Variants in DUOX1 observed in about 807,000 individuals in gnomAD.
DUOX1 encodes dual oxidase 1.
Under a neutral mutation model 181.8 loss-of-function variants are expected in DUOX1, and 134 were observed. That is an observed-to-expected ratio of 0.74 (90% CI 0.64 to 0.85). The LOEUF is 0.85. DUOX1 is among the 40% of genes least tolerant of loss of function. DUOX1 has a pLI of 0.00. For missense variants in DUOX1, 1,814 were observed against 2,064.4 expected (o/e 0.88, Z 2.35); for synonymous variants, 798 against 832.5 (o/e 0.96, Z 0.71).
intron 25 of DUOX1, 112 bp from the exon 26 acceptor site, chr15:45,153,268 A>G (rs1896863769): frequency 2.8e-6 from 2 of 724,828 alleles, no homozygotes; most frequent in East Asian, 5.4e-5. Flanking sequence ...CGAGACTCCT[A>G]AGGTACTTCT....
chr15:45,131,540 G>A (rs1896146648), intron 1 of DUOX1: 3 of 201,376 alleles, frequency 1.5e-5, no homozygotes, highest in South Asian at 8.4e-5. Context: ...ACTGGGAGCA[G>A]CACTGAGACC....
chr15:45,141,544 G>A, intron 14 of DUOX1, 134 bp downstream of exon 14: 2 of 990,252 alleles, frequency 2.0e-6, no homozygotes, highest in Non-Finnish European at 3.1e-6. Context: ...TTCTGCCCTT[G>A]GGAACTCCAG....
rs1595598291 is a variant in DUOX1 at position 45,161,846 on chromosome 15, C to T, written c.3965C>T (p.Thr1322Ile). 2 of 1,614,082 alleles carry T rather than the reference C, an allele frequency of 1.2e-6. No individual in the cohort carries two copies. The highest frequency in any genetic ancestry group is 1.7e-6 in the Non-Finnish European group (2 of 1,180,004). Residue 1322 changes from threonine (T) to isoleucine (I), a missense_variant, in exon 30 of 34, where the codon ACA becomes ATA. Coordinates refer to ENST00000389037, the MANE Select transcript of DUOX1 (RefSeq NM_175940.3). ...ALGTTEYHPFTLTSAPHEDTL... is the reference protein window; with the variant it reads ...ALGTTEYHPFILTSAPHEDTL... ...GGGACCACCGAGTACCACCCCTTCA[C>T]ACTGACCTCTGCGCCCCATGAGGAC...
chr15:45,158,215 C>T (rs57724222), intron 28 of DUOX1, among the ~76,000 whole-genome samples: 1 of 152,210 alleles, frequency 6.6e-6, no homozygotes, highest in African/African-American at 2.4e-5. Context: ...TGCCATTGTA[C>T]TCAGCCTGTT....
At chr15:45,139,674 A>G in intron 12 of DUOX1, 75 bp downstream of exon 12, 1 of 1,452,442 alleles carries the variant, frequency 6.9e-7, no homozygotes, top group Non-Finnish European at 9.1e-7. Context: ...GAAGATAGGC[A>G]GTGAAACTTG....
Position 45,141,068 on chromosome 15 carries a change from T to C in DUOX1, c.1563T>C (p.Asn521=). The change falls in exon 13 of 34, where the codon AAT becomes AAC. Residue 521 remains asparagine (N), a splice_region_variant and synonymous_variant. Transcript: ENST00000389037. The stretch of plus-strand genomic sequence containing the variant: ...GCTACTGGTTTGAGAACACCAGGAA[T>C]GGGTAAGGCGTGCTGGGCCTCCGCC... ...GDRYWFENTR[N]GLFSKKEIEE... 3 of 1,614,232 alleles carry C rather than the reference T, an allele frequency of 1.9e-6. No homozygotes were observed. The highest frequency in any genetic ancestry group is 2.5e-6 in the Non-Finnish European group (3 of 1,180,032).
In DUOX1 at chr15:45,136,593, G is replaced by T. The variant is rs779457767; in HGVS notation, c.990G>T (p.Leu330=). 2.2e-5 allele frequency: 36 copies of T among 1,613,962 alleles called. No homozygotes were observed. The highest frequency in any genetic ancestry group is 2.2e-4 in the Admixed American group (13 of 60,010). The part of the protein sequence containing the change: ...SEFVAASEQF[L]STMVPPGVYM... ...TCGTGGCGGCCTCTGAGCAGTTCCT[G>T]TCCACCATGGTGCCCCCTGGCGTCT... The change falls in exon 9 of 34, where the codon CTG becomes CTT. Residue 330 remains leucine, a synonymous_variant. Transcript: ENST00000389037.
chr15:45,133,768 C>T lies in DUOX1; in HGVS notation c.59-96C>T, dbSNP rs77760047. On this transcript the variant is annotated intron_variant, in intron 2 of 33. Transcript: ENST00000389037. ...CTTCAGGTATCCACTTTCTGCTGCT[C>T]CAAGTGCCAGGCTCACAGCACCCAT... 30 of 1,059,742 alleles carry T rather than the reference C, an allele frequency of 2.8e-5. 1 individual carries two copies. In the East Asian group the frequency reaches 7.0e-4, roughly 25 times the overall value. 65.6% of individuals were successfully genotyped at this position (1,059,742 alleles called of 1,614,324 possible).
chr15:45,138,913 C>A (rs1426620706), intron 10 of DUOX1, 153 bp from the exon 11 acceptor site: 3 of 672,358 alleles, frequency 4.5e-6, no homozygotes, highest in African/African-American at 1.8e-5. Flanking sequence ...AGTGGGGAAT[C>A]AACCTGCAGA....
chr15:45,135,699 G>A (rs1408419017), intron 6 of DUOX1, 24 bp downstream of exon 6: 1 of 1,446,530 alleles, frequency 6.9e-7, no homozygotes, highest in African/African-American at 1.4e-5. Flanking sequence ...GGCGGGACGG[G>A]GCCGGCTGGG....
rs374639389 is a variant in DUOX1 at position 45,142,040 on chromosome 15, G to A, written c.1750G>A (p.Val584Ile). Residue 584 changes from valine (V) to isoleucine (I), a missense_variant, in exon 15 of 34, where the codon GTT (valine) becomes ATT (isoleucine). Val to Ile is a conservative substitution (Grantham distance 29). Transcript: ENST00000389037. ...CCTGCCAGCGTGTGCTCCCTCTGTT[G>A]TTCGTGACTATTTTGAGGGCAGTGG... ...EGLPACAPSVVRDYFEGSGFG... is the reference protein window; with the variant it reads ...EGLPACAPSVIRDYFEGSGFG... 10 of 1,613,886 alleles carry A rather than the reference G, an allele frequency of 6.2e-6. No individual in the cohort carries two copies. The East Asian group carries it at 1.1e-4, about 18-fold the overall frequency.
chr15:45,136,237 T>C, intron 7 of DUOX1, 113 bp from the exon 8 acceptor site: 1 of 1,532,432 alleles, frequency 6.5e-7, no homozygotes, highest in East Asian at 2.3e-5. Context: ...GCTTCTCCCA[T>C]GACTGACCCT....
In DUOX1 at chr15:45,144,031, C is replaced by A. The variant is rs113751486; in HGVS notation, c.1937-5C>A. On this transcript the variant is annotated splice_polypyrimidine_tract_variant and splice_region_variant and intron_variant, in intron 16 of 33. Transcript: ENST00000389037. ...GCTGACGAAGCCCTGTCTCTCTCCC[C>A]CTAGCTTTGGAATGGCAAGGCCACA... 2 of 1,613,736 alleles carry A rather than the reference C, an allele frequency of 1.2e-6. No homozygotes were observed. Among genetic ancestry groups the A allele is most frequent in the South Asian group, 1.1e-5 (1 of 91,072 alleles).
intron 2 of DUOX1, 119 bp downstream of exon 2, chr15:45,132,143 A>G (rs901428550): frequency 2.9e-5 from 25 of 869,196 alleles, no homozygotes; most frequent in Non-Finnish European, 4.2e-5. Context: ...TAGCTGACAC[A>G]GTGCCCTGCA....
At chr15:45,142,811 G>GGAAGGA (rs1461270052) in intron 15 of DUOX1, among the ~76,000 whole-genome samples, 9 of 151,054 alleles carry the variant, frequency 6.0e-5, no homozygotes, top group East Asian at 2.0e-4. Flanking sequence ...GAGGGAGGAA[G>GGAAGGA]AGCAGGCTGG....
chr15:45,134,130 C>T lies in DUOX1; in HGVS notation c.143-15C>T, dbSNP rs753428582. The T allele has an allele frequency of 6.5e-7, 1 of 1,546,808 alleles. No homozygotes were observed. Among genetic ancestry groups the T allele is most frequent in the South Asian group, 1.3e-5 (1 of 79,512 alleles). Reference sequence around the variant, plus strand: ...CCCTGAAGATTCATCCTTATCCTTACCCCTCCTACCCCAGGCTCCCGGCTG... The same window carrying T: ...CCCTGAAGATTCATCCTTATCCTTATCCCTCCTACCCCAGGCTCCCGGCTG... On this transcript the variant is annotated splice_polypyrimidine_tract_variant and intron_variant, in intron 3 of 33. Coordinates refer to ENST00000389037, the MANE Select transcript of DUOX1 (RefSeq NM_175940.3).
chr15:45,133,779 G>C, intron 2 of DUOX1, 85 bp from the exon 3 acceptor site: 1 of 1,172,692 alleles, frequency 8.5e-7, no homozygotes, highest in Non-Finnish European at 1.2e-6. Flanking sequence ...CAAGTGCCAG[G>C]CTCACAGCAC....
chr15:45,161,444 A>AGGGGGGAG (rs1555423591), intron 29 of DUOX1, among the ~76,000 whole-genome samples: 2 of 76,504 alleles, frequency 2.6e-5, no homozygotes, highest in African/African-American at 7.2e-5. Flanking sequence ...AAAAAAAGGA[A>AGGGGGGAG]GGAGGGAGGG....
chr15:45,148,018 A>G (rs566922852), intron 20 of DUOX1, 21 bp downstream of exon 20: 1 of 1,600,540 alleles, frequency 6.2e-7, no homozygotes, highest in South Asian at 1.1e-5. Context: ...TGGGACAGCC[A>G]GGAGAATGGG....
Sources: gnomAD v4.1 joint callset for allele counts (sites outside exome capture counted in the v4.1 genomes callset) on GRCh38, gnomAD v4.1.1 for gene constraint, MANE v1.5 for transcripts, NCBI Gene and HGNC (gene_info 2026-07-23, HGNC 2026-07-21) for gene names.